The following RUFY3 variants were observed in gnomAD, a reference collection of about 807,000 sequenced individuals.
RUFY3 encodes protein RUFY3.
RUFY3 carries 34 observed loss-of-function variants against 84.0 expected under a neutral mutation model. The ratio of observed to expected loss-of-function variants is 0.40; its 90% CI spans 0.31 to 0.54. The LOEUF (loss-of-function observed/expected upper bound fraction) is 0.54, where lower values mean the gene tolerates loss of function less well. Ranked by LOEUF, RUFY3 falls within the 20% of genes least tolerant of loss-of-function variation. The pLI is 0.39. For missense variants in RUFY3, 507 were observed against 736.8 expected, an observed-to-expected ratio of 0.69 and a Z score of 3.61; for synonymous variants, 242 against 252.9, an observed-to-expected ratio of 0.96 and a Z score of 0.41.
intron 10 of RUFY3, among the ~76,000 whole-genome samples, chr4:70,788,082 C>CA (rs11389589): frequency 1 from 152,176 of 152,176 alleles, 76,088 homozygotes; most frequent in Non-Finnish European, 1. Context: ...GTCAGGAATT[C>CA]ACACCAGCCT....
chr4:70,719,650 A>G (rs1742038755), upstream of RUFY3, among the ~76,000 whole-genome samples: 2 of 152,198 alleles, frequency 1.3e-5, no homozygotes, highest in African/African-American at 4.8e-5. Flanking sequence ...ATGACTACTT[A>G]CTATGTTTTG....
At chr4:70,746,258 C>T (rs1203865550) in intron 1 of RUFY3, among the ~76,000 whole-genome samples, 1 of 150,762 alleles carries the variant, frequency 6.6e-6, no homozygotes, top group African/African-American at 2.4e-5. Flanking sequence ...GCACGAGAAT[C>T]GCTTGAGCCC....
In RUFY3 at chr4:70,715,917, T is replaced by C. The variant is rs188189320; in HGVS notation, c.358+10623T>C. On this transcript the variant is annotated intron_variant, in intron 1 of 11. Transcript: ENST00000417478. ...TCACGAGGTCAGGAGATCAAGACCA[T>C]CCTGGCTAACCTGGTGAAACCCCAT... Among the ~76,000 whole-genome samples, 1,470 of 152,106 alleles carry C rather than the reference T, an allele frequency of 9.7e-3. 14 individuals carry two copies. The highest frequency in any genetic ancestry group is 0.018 in the South Asian group (87 of 4,812).
chr4:70,731,199 G>A (rs1209105829), intron 1 of RUFY3, among the ~76,000 whole-genome samples: 1 of 151,944 alleles, frequency 6.6e-6, no homozygotes, highest in Admixed American at 6.6e-5. Context: ...CACCATGCCC[G>A]GCTAATTTTT....
intron 1 of RUFY3, among the ~76,000 whole-genome samples, chr4:70,729,993 G>A (rs1374767634): frequency 7.0e-6 from 1 of 142,484 alleles, no homozygotes; most frequent in African/African-American, 2.6e-5. Flanking sequence ...GGAACACAGT[G>A]GCGCAATCTT....
At chr4:70,805,941 T>TAA (rs1732788411) in intron 17 of RUFY3, among the ~76,000 whole-genome samples, 1 of 152,172 alleles carries the variant, frequency 6.6e-6, no homozygotes, top group African/African-American at 2.4e-5. Flanking sequence ...GCTTGACCAT[T>TAA]AAAGATGCAA....
intron 3 of RUFY3, among the ~76,000 whole-genome samples, chr4:70,764,057 C>T (rs1725442308): frequency 6.6e-6 from 1 of 152,146 alleles, no homozygotes; most frequent in African/African-American, 2.4e-5. Context: ...TGTAGCCTGC[C>T]TTAGAACTAT....
At chr4:70,709,348 CATT>C (rs1740709851) in intron 1 of RUFY3, among the ~76,000 whole-genome samples, 1 of 152,174 alleles carries the variant, frequency 6.6e-6, no homozygotes, top group Non-Finnish European at 1.5e-5. Context: ...AATCTATGCT[CATT>C]GTTTAAATGT....
At chr4:70,796,003 A>G (rs1323110965) in intron 14 of RUFY3, among the ~76,000 whole-genome samples, 1 of 152,156 alleles carries the variant, frequency 6.6e-6, no homozygotes, top group Non-Finnish European at 1.5e-5. Flanking sequence ...TTTTTGTGCT[A>G]AAACTTTGGC....
rs145241313 is a variant in RUFY3, at chr4:70,798,441, C to T, written c.1558-1700C>T. ...GCAGCAGTCGAAGGCGGGCAGCAGT[C>T]GAAGGCAAGCAGCAGTGGTTGTGTG... On this transcript the variant is annotated intron_variant, in intron 14 of 17. Transcript: ENST00000381006. 7.3e-3 allele frequency among the ~76,000 whole-genome samples: 1,111 copies of T among 152,140 alleles called. 9 individuals are homozygous for T. The highest frequency in any genetic ancestry group is 0.011 in the Non-Finnish European group (753 of 67,990).
chr4:70,724,761 A>G (rs996574562), intron 1 of RUFY3, among the ~76,000 whole-genome samples: 6 of 152,252 alleles, frequency 3.9e-5, no homozygotes, highest in Non-Finnish European at 7.3e-5. Context: ...GCATAGTCCC[A>G]TGAAAGCCTG....
chr4:70,728,101 C>G (rs921736419), intron 1 of RUFY3, among the ~76,000 whole-genome samples: 2 of 152,182 alleles, frequency 1.3e-5, no homozygotes, highest in African/African-American at 4.8e-5. Context: ...CTGAGAAACT[C>G]ATCCTAAGTT....
intron 1 of RUFY3, among the ~76,000 whole-genome samples, chr4:70,722,992 G>C (rs1717620795): frequency 6.6e-6 from 1 of 152,030 alleles, no homozygotes; most frequent in African/African-American, 2.4e-5. Context: ...AGAGTTCTTT[G>C]TCTTTAAGCC....
chr4:70,706,754 G>A (rs933539149), intron 1 of RUFY3, among the ~76,000 whole-genome samples: 2 of 152,174 alleles, frequency 1.3e-5, no homozygotes, highest in Non-Finnish European at 2.9e-5. Flanking sequence ...GTGTTGGAGT[G>A]GTCTGCACTA....
At chr4:70,728,714 C>G (rs1393360088) in intron 1 of RUFY3, among the ~76,000 whole-genome samples, 1 of 152,060 alleles carries the variant, frequency 6.6e-6, no homozygotes, top group Non-Finnish European at 1.5e-5. Flanking sequence ...TTCCTACTCT[C>G]TGTTATCATT....
intron 1 of RUFY3, among the ~76,000 whole-genome samples, chr4:70,732,504 A>G (rs1265001698): frequency 1.3e-5 from 2 of 152,156 alleles, no homozygotes; most frequent in African/African-American, 4.8e-5. Flanking sequence ...CTTGGAACCA[A>G]CCCAGATATC....
Position 70,808,288 on chromosome 4 carries a change from T to C in RUFY3, c.*1629T>C, listed in dbSNP as rs1328221877. Among the ~76,000 whole-genome samples the C allele has an allele frequency of 6.7e-6, 1 of 148,364 alleles. No homozygotes were observed. Among genetic ancestry groups the C allele is most frequent in the African/African-American group, 2.6e-5 (1 of 38,994 alleles). On this transcript the variant is annotated 3_prime_UTR_variant, in exon 18 of 18. Transcript: ENST00000381006. The stretch of plus-strand genomic sequence containing the variant: ...GGCTGACTGTACTTACTTACATATC[T>C]ATCTATCTTTGAGTAACAAACTCTT...
Position 70,785,783 on chromosome 4 carries a change from C to G in RUFY3, c.1071+904C>G, listed in dbSNP as rs370480741. Among the ~76,000 whole-genome samples, 21 of 152,200 alleles carry G rather than the reference C, an allele frequency of 1.4e-4. No individual in the cohort carries two copies. In the East Asian group the frequency reaches 2.5e-3, roughly 18 times the overall value. On this transcript the variant is annotated intron_variant, in intron 10 of 17. Transcript: ENST00000381006. ...CCTGGGAAGCGGAGGCTGCAGTGAG[C>G]CAAGATTGTATCACTGCACTCCATC...
chr4:70,791,415 A>G (rs1730797852), intron 12 of RUFY3: 1 of 1,436,520 alleles, frequency 7.0e-7, no homozygotes, highest in Non-Finnish European at 9.1e-7. Flanking sequence ...CAAAAAGTTG[A>G]CTTTGAATTT....
Sources: allele counts gnomAD v4.1 joint callset (sites outside exome capture counted in the v4.1 genomes callset), GRCh38; gene constraint gnomAD v4.1.1; transcripts MANE v1.5; gene names NCBI Gene and HGNC (gene_info 2026-07-23, HGNC 2026-07-21).